The following UMAD1 variants were observed in gnomAD, a reference collection of about 807,000 sequenced individuals.
UMAD1 encodes UBAP1-MVB12-associated (UMA) domain containing 1, also known as UBAP1-MVB12-associated (UMA)-domain containing protein 1.
Under a neutral mutation model 6.1 loss-of-function variants are expected in UMAD1, and 8 were observed. That is an observed-to-expected ratio of 1.30 (90% CI 0.76 to 2.35). UMAD1 has a LOEUF of 2.35. Ranked by LOEUF, UMAD1 falls within the 30% of genes most tolerant of loss-of-function variation. The pLI is 0.00. For missense variants in UMAD1, 130 were observed against 78.4 expected, an observed-to-expected ratio of 1.66 and a Z score of -2.49; for synonymous variants, 56 against 31.4, an observed-to-expected ratio of 1.78 and a Z score of -2.61.
At chr7:7,763,423 A>G (rs1417054091) in intron 2 of UMAD1, among the ~76,000 whole-genome samples, 2 of 151,218 alleles carry the variant, frequency 1.3e-5, no homozygotes, top group African/African-American at 4.9e-5. Flanking sequence ...TCCCTCCTCC[A>G]CCCCCAGTAG....
chr7:7,832,139 A>G (rs1783479362), intron 3 of UMAD1, among the ~76,000 whole-genome samples: 1 of 152,196 alleles, frequency 6.6e-6, no homozygotes, highest in Non-Finnish European at 1.5e-5. Context: ...AATATTGAAG[A>G]ATTGCTTTTG....
Position 7,812,940 on chromosome 7 carries a change from G to A in UMAD1, c.156+11197G>A, listed in dbSNP as rs191464889. ...TGCAGCCATTTTTATGATGTCTTCC[G>A]ACCACTAGAGATTCCTTCTTGAAGG... On this transcript the variant is annotated intron_variant, in intron 3 of 3. Transcript: ENST00000682710. Among the ~76,000 whole-genome samples the A allele has an allele frequency of 5.8e-4, 88 of 151,724 alleles. No homozygotes were observed. In the Middle Eastern group the frequency reaches 0.014, roughly 23 times the overall value.
intron 3 of UMAD1, among the ~76,000 whole-genome samples, chr7:7,826,623 G>C (rs1291183889): frequency 6.6e-6 from 1 of 152,112 alleles, no homozygotes; most frequent in African/African-American, 2.4e-5. Flanking sequence ...TTATATATCA[G>C]ATTGCCTCTA....
At chr7:7,783,442 T>G (rs536506882) in intron 2 of UMAD1, among the ~76,000 whole-genome samples, 2 of 152,226 alleles carry the variant, frequency 1.3e-5, no homozygotes, top group African/African-American at 4.8e-5. Context: ...CTGCACGGTT[T>G]GTGTCTTTGG....
At chr7:7,726,383 C>A (rs1195482287) in intron 2 of UMAD1, among the ~76,000 whole-genome samples, 1 of 152,212 alleles carries the variant, frequency 6.6e-6, no homozygotes, top group Non-Finnish European at 1.5e-5. Context: ...ACTGGTCTTA[C>A]CATGTTCCCC....
At chr7:7,831,143 G>A (rs1275081122) in intron 3 of UMAD1, among the ~76,000 whole-genome samples, 1 of 152,104 alleles carries the variant, frequency 6.6e-6, no homozygotes, top group Non-Finnish European at 1.5e-5. Context: ...CTATTAATTT[G>A]ATGTAAATCC....
intron 3 of UMAD1, among the ~76,000 whole-genome samples, chr7:7,849,832 G>A (rs1339594241): frequency 1.2e-4 from 18 of 152,154 alleles, no homozygotes; most frequent in Non-Finnish European, 4.4e-5. Flanking sequence ...CTTTAAGATG[G>A]AGTGGACAGA....
chr7:7,714,005 G>A (rs1780830176), intron 2 of UMAD1, among the ~76,000 whole-genome samples: 1 of 151,990 alleles, frequency 6.6e-6, no homozygotes, highest in South Asian at 2.1e-4. Flanking sequence ...TGCCCCACAC[G>A]TTTTTCATCG....
At chr7:7,771,409 T>C (rs1782098145) in intron 2 of UMAD1, among the ~76,000 whole-genome samples, 1 of 152,124 alleles carries the variant, frequency 6.6e-6, no homozygotes, top group African/African-American at 2.4e-5. Context: ...GGGGGTGCCA[T>C]CGCTGCGGCA....
At chr7:7,740,138 T>A (rs564250301) in intron 2 of UMAD1, among the ~76,000 whole-genome samples, 2 of 152,346 alleles carry the variant, frequency 1.3e-5, no homozygotes, top group South Asian at 4.1e-4. Context: ...AGCTATCACT[T>A]TCATTTGAAA....
At chr7:7,804,954 C>G (rs987251603) in intron 3 of UMAD1, among the ~76,000 whole-genome samples, 9 of 151,752 alleles carry the variant, frequency 5.9e-5, no homozygotes, top group African/African-American at 2.2e-4. Flanking sequence ...GCACTCCAGC[C>G]TGGGCGACAG....
chr7:7,726,967 G>C (rs140114249), intron 2 of UMAD1, among the ~76,000 whole-genome samples: 2 of 152,302 alleles, frequency 1.3e-5, no homozygotes, highest in Non-Finnish European at 2.9e-5. Flanking sequence ...CCTGCCCTGT[G>C]GTTCAGGTCA....
At chr7:7,763,306 G>A (rs1781926314) in intron 2 of UMAD1, among the ~76,000 whole-genome samples, 1 of 152,138 alleles carries the variant, frequency 6.6e-6, no homozygotes, top group South Asian at 2.1e-4. Flanking sequence ...GCATGCGCAA[G>A]TTTGTTATAT....
chr7:7,652,929 A>C (rs917095571), intron 1 of UMAD1, among the ~76,000 whole-genome samples: 1 of 152,244 alleles, frequency 6.6e-6, no homozygotes, highest in Non-Finnish European at 1.5e-5. Flanking sequence ...AAAATGAGCG[A>C]GCAAATAGAA....
intron 2 of UMAD1, among the ~76,000 whole-genome samples, chr7:7,782,578 T>A (rs1782368319): frequency 6.6e-6 from 1 of 152,130 alleles, no homozygotes; most frequent in African/African-American, 2.4e-5. Context: ...GTAGGGTTAT[T>A]TTTTTGTTTA....
At chr7:7,770,344 T>C (rs1782076240) in intron 2 of UMAD1, among the ~76,000 whole-genome samples, 1 of 152,198 alleles carries the variant, frequency 6.6e-6, no homozygotes, top group Admixed American at 6.5e-5. Flanking sequence ...CTCTGGGACC[T>C]TGCTCTGTTT....
At chr7:7,673,287 T>C in intron 1 of UMAD1, 22 bp from the exon 2 acceptor site, 1 of 1,146,044 alleles carries the variant, frequency 8.7e-7, no homozygotes, top group Non-Finnish European at 1.3e-6. Flanking sequence ...GAATTTGACA[T>C]TGTGTAATGT....
At chr7:7,793,112 G>A (rs1782601589) in intron 2 of UMAD1, among the ~76,000 whole-genome samples, 2 of 152,212 alleles carry the variant, frequency 1.3e-5, no homozygotes, top group South Asian at 4.1e-4. Flanking sequence ...CGCAAAGACA[G>A]AATAGCAGTC....
chr7:7,807,688 C>T (rs1481095075), intron 3 of UMAD1, among the ~76,000 whole-genome samples: 1 of 152,036 alleles, frequency 6.6e-6, no homozygotes, highest in Non-Finnish European at 1.5e-5. Context: ...AGCGCATTTA[C>T]ACGAATGATT....
Sources: allele counts gnomAD v4.1 joint callset (sites outside exome capture counted in the v4.1 genomes callset), GRCh38; gene constraint gnomAD v4.1.1; transcripts MANE v1.5; gene names NCBI Gene and HGNC (gene_info 2026-07-23, HGNC 2026-07-21).